SPA17: variants seen among roughly 807,000 people sequenced by gnomAD.
SPA17 encodes sperm surface protein Sp17.
SPA17 carries 7 observed loss-of-function variants against 13.8 expected under a neutral mutation model. That is an observed-to-expected ratio of 0.51 (90% CI 0.29 to 0.95). The LOEUF is 0.95. Among genes scored for constraint, SPA17 ranks in the 40% least tolerant of loss-of-function variants. SPA17 has a pLI of 0.08. For missense variants in SPA17, 170 were observed against 179.3 expected, an observed-to-expected ratio of 0.95 and a Z score of 0.30; for synonymous variants, 61 against 59.0, an observed-to-expected ratio of 1.03 and a Z score of -0.16.
chr11:124,691,138 T>A (rs565352408), intron 3 of SPA17, among the ~76,000 whole-genome samples: 54 of 152,298 alleles, frequency 3.5e-4, no homozygotes, highest in African/African-American at 1.3e-3. Context: ...AGGTGTGAAT[T>A]AGCAATGAAG....
intron 3 of SPA17, 45 bp downstream of exon 3, chr11:124,681,504 G>C: frequency 7.0e-7 from 1 of 1,428,984 alleles, no homozygotes; most frequent in Non-Finnish European, 9.4e-7. Context: ...TCTTCTCTCT[G>C]TCTACAGCTA....
intron 2 of SPA17, among the ~76,000 whole-genome samples, 164 bp from the exon 3 acceptor site, chr11:124,681,225 C>T (rs1018790998): frequency 6.6e-6 from 1 of 152,140 alleles, no homozygotes; most frequent in African/African-American, 2.4e-5. Context: ...TTAATAATCA[C>T]TGGTAATGTC....
chr11:124,682,330 A>G (rs943273343), intron 3 of SPA17, among the ~76,000 whole-genome samples: 2 of 152,276 alleles, frequency 1.3e-5, no homozygotes, highest in Middle Eastern at 6.8e-3. Context: ...AACATGAAAA[A>G]CAAGGAAGTA....
intron 2 of SPA17, chr11:124,675,919 T>C (rs948670076): frequency 2.6e-5 from 4 of 152,942 alleles, no homozygotes; most frequent in African/African-American, 7.2e-5. Context: ...TATATGAAAC[T>C]GTTCTGCAAT....
At position 124,696,929 on chromosome 11, in the gene SPA17, C is replaced by G. The variant is rs1159835744; in HGVS notation, c.*2483C>G. On this transcript the variant is annotated 3_prime_UTR_variant, in exon 5 of 5. Transcript: ENST00000227135. The stretch of plus-strand genomic sequence containing the variant: ...GCCCCCAAATCTGAAACTTCCCCCA[C>G]ACCCAAGTTTTTCCATTCAAAAATG... The G allele has an allele frequency of 6.6e-6, 1 of 152,204 alleles. No homozygotes were observed. The highest frequency in any genetic ancestry group is 1.9e-4 in the East Asian group (1 of 5,198). The allele number at this position is 152,204 out of a possible 1,614,324, so 9.4% of individuals were successfully genotyped here. A position where few individuals can be genotyped will look rare whatever the true frequency, so the allele number is the denominator to read the frequency against.
intron 3 of SPA17, among the ~76,000 whole-genome samples, chr11:124,688,459 GA>G (rs1943595682): frequency 6.6e-6 from 1 of 152,142 alleles, no homozygotes; most frequent in Admixed American, 6.5e-5. Flanking sequence ...GTCTAACTGA[GA>G]AAGGAATCAA....
At position 124,681,465 on chromosome 11, in the gene SPA17, G is replaced by A. The variant is rs773396366; in HGVS notation, c.225+6G>A. ...ATAACAATCATGCATTCGAGGTATG[G>A]TCCTTTGAAGCTGTTGGATTTGGCT... On this transcript the variant is annotated splice_donor_region_variant and intron_variant, in intron 3 of 4. Transcript: ENST00000227135. The A allele has an allele frequency of 2.6e-6, 4 of 1,563,422 alleles. No individual in the cohort carries two copies. The highest frequency in any genetic ancestry group is 1.4e-5 in the African/African-American group (1 of 73,230).
chr11:124,689,938 T>A (rs1266051921), intron 3 of SPA17, among the ~76,000 whole-genome samples: 3 of 152,112 alleles, frequency 2.0e-5, no homozygotes, highest in Non-Finnish European at 2.9e-5. Flanking sequence ...TCAGAATGGC[T>A]ACTATGAAAA....
intron 2 of SPA17, among the ~76,000 whole-genome samples, chr11:124,679,158 C>G (rs955884099): frequency 1.3e-5 from 2 of 150,234 alleles, no homozygotes; most frequent in African/African-American, 2.4e-5. Context: ...AAAGCAATTT[C>G]TAAAATGTAA....
intron 3 of SPA17, among the ~76,000 whole-genome samples, chr11:124,687,996 T>C (rs180782452): frequency 5.3e-4 from 80 of 152,210 alleles, no homozygotes; most frequent in Non-Finnish European, 9.3e-4. Flanking sequence ...AAGTCACTTA[T>C]CTCTGTTCAC....
intron 2 of SPA17, among the ~76,000 whole-genome samples, chr11:124,680,767 A>G: frequency 6.6e-6 from 1 of 150,990 alleles, no homozygotes; most frequent in East Asian, 1.9e-4. Context: ...ATAATCAGAA[A>G]AAAGTGCAGA....
chr11:124,690,835 A>G (rs1943617427), intron 3 of SPA17, among the ~76,000 whole-genome samples: 1 of 152,206 alleles, frequency 6.6e-6, no homozygotes, highest in Non-Finnish European at 1.5e-5. Context: ...GATTTGGGGA[A>G]TTTCTTGAAG....
intron 3 of SPA17, among the ~76,000 whole-genome samples, chr11:124,689,803 C>T (rs925629402): frequency 6.6e-6 from 1 of 151,632 alleles, no homozygotes; most frequent in Non-Finnish European, 1.5e-5. Flanking sequence ...TGGAAAAGGA[C>T]ATGAATAGAG....
At chr11:124,681,562 A>C in intron 3 of SPA17, 103 bp downstream of exon 3, 5 of 582,852 alleles carry the variant, frequency 8.6e-6, no homozygotes, top group Non-Finnish European at 1.1e-5. Context: ...GTGAGGAGGC[A>C]TCACAAATAA....
At chr11:124,678,357 C>T (rs1943494178) in intron 2 of SPA17, among the ~76,000 whole-genome samples, 1 of 151,544 alleles carries the variant, frequency 6.6e-6, no homozygotes, top group African/African-American at 2.4e-5. Flanking sequence ...TAAACACAGA[C>T]GGGGGTCTCA....
At chr11:124,688,972 A>G (rs1278334318) in intron 3 of SPA17, among the ~76,000 whole-genome samples, 1 of 152,240 alleles carries the variant, frequency 6.6e-6, no homozygotes, top group Non-Finnish European at 1.5e-5. Flanking sequence ...AGATACATAA[A>G]TCAACGTAAT....
At chr11:124,693,843 C>T in intron 4 of SPA17, among the ~76,000 whole-genome samples, 1 of 151,954 alleles carries the variant, frequency 6.6e-6, no homozygotes, top group East Asian at 1.9e-4. Flanking sequence ...CTCTTTGGCA[C>T]CTCACTTTAA....
intron 3 of SPA17, among the ~76,000 whole-genome samples, chr11:124,683,619 A>G (rs1943547815): frequency 6.6e-6 from 1 of 152,060 alleles, no homozygotes; most frequent in East Asian, 1.9e-4. Flanking sequence ...GACTGAAAGT[A>G]AAGAAGTGGA....
At chr11:124,678,488 A>AACAAAAGAG (rs1162529706) in intron 2 of SPA17, among the ~76,000 whole-genome samples, 1 of 151,728 alleles carries the variant, frequency 6.6e-6, no homozygotes, top group Non-Finnish European at 1.5e-5. Context: ...GCTATCATTT[A>AACAAAAGAG]ACAAAAGAGG....
Sources: allele counts gnomAD v4.1 joint callset (sites outside exome capture counted in the v4.1 genomes callset), GRCh38; gene constraint gnomAD v4.1.1; transcripts MANE v1.5; gene names NCBI Gene and HGNC (gene_info 2026-07-23, HGNC 2026-07-21).